Variants in THSD7B observed in about 807,000 individuals in gnomAD.
THSD7B encodes thrombospondin type 1 domain containing 7B, also known as thrombospondin type-1 domain-containing protein 7B.
Under a neutral mutation model 213.6 loss-of-function variants are expected in THSD7B, and 138 were observed. The ratio of observed to expected loss-of-function variants is 0.65; its 90% CI spans 0.56 to 0.74. The LOEUF is 0.74. THSD7B is among the 30% of genes least tolerant of loss of function. The probability of loss-of-function intolerance (pLI) is 0.00; values close to 1 mark genes in which losing one functional copy is unlikely to be tolerated. For synonymous variants in THSD7B, 742 were observed against 687.0 expected (o/e 1.08, Z -1.25); for missense variants, 1,931 against 1,991.5 (o/e 0.97, Z 0.58).
In THSD7B at chr2:136,908,438, A is replaced by G. The variant is rs552337913; in HGVS notation, c.139+26121A>G. ...AATGAGTAGCAAAATTGGAATTTGA[A>G]CTAGAATATAATTGATAATAGACTT... On this transcript the variant is annotated intron_variant, in intron 2 of 27. Coordinates refer to ENST00000409968, the MANE Select transcript of THSD7B (RefSeq NM_001316349.2). 6.6e-4 allele frequency among the ~76,000 whole-genome samples: 101 copies of G among 152,334 alleles called. 1 individual carries two copies. The highest frequency in any genetic ancestry group is 2.3e-3 in the African/African-American group (96 of 41,570).
At chr2:136,979,772 T>C (rs1685542875) in intron 2 of THSD7B, among the ~76,000 whole-genome samples, 1 of 152,214 alleles carries the variant, frequency 6.6e-6, no homozygotes, top group African/African-American at 2.4e-5. Flanking sequence ...TCTCTTTCAA[T>C]TCATCCATCT....
At chr2:137,662,626 G>A (rs1229872540) in intron 25 of THSD7B, among the ~76,000 whole-genome samples, 1 of 152,178 alleles carries the variant, frequency 6.6e-6, no homozygotes, top group East Asian at 1.9e-4. Context: ...TTAATTCAAA[G>A]AAGATATGTA....
intron 5 of THSD7B, among the ~76,000 whole-genome samples, chr2:137,144,041 T>C (rs1478129623): frequency 2.0e-5 from 3 of 152,116 alleles, no homozygotes; most frequent in East Asian, 1.9e-4. Flanking sequence ...CAGGTACTTA[T>C]GTTTTAAGAT....
At chr2:137,598,111 C>G (rs1681998392) in intron 17 of THSD7B, among the ~76,000 whole-genome samples, 1 of 152,046 alleles carries the variant, frequency 6.6e-6, no homozygotes, top group Non-Finnish European at 1.5e-5. Flanking sequence ...CTTCACCCCA[C>G]TCTCCATGCT....
rs537059577 is a variant in THSD7B, at chr2:137,620,490, C to T, written c.3682-119C>T. ...TTTATATAAGAAAGGATATACTTCC[C>T]CACTGAAATATGGAAAGGTTATTAT... is the stretch of plus-strand genomic sequence containing the variant. On this transcript the variant is annotated intron_variant, in intron 19 of 27. Transcript: ENST00000409968. The T allele has an allele frequency of 1.7e-4, 112 of 646,550 alleles. No individual in the cohort carries two copies. In the East Asian group the frequency reaches 3.1e-3, roughly 18 times the overall value. 40.1% of individuals were successfully genotyped at this position (646,550 alleles called of 1,614,324 possible). A position where few individuals can be genotyped will look rare whatever the true frequency, so the allele number is the denominator to read the frequency against.
intron 1 of THSD7B, among the ~76,000 whole-genome samples, chr2:136,859,587 C>T (rs1683228560): frequency 6.6e-6 from 1 of 151,806 alleles, no homozygotes; most frequent in South Asian, 2.1e-4. Context: ...TGGCAGTGAT[C>T]AAATAAGATG....
intron 2 of THSD7B, among the ~76,000 whole-genome samples, chr2:136,884,195 A>G (rs1683676096): frequency 6.6e-6 from 1 of 152,192 alleles, no homozygotes; most frequent in African/African-American, 2.4e-5. Flanking sequence ...CGAAGTCGGC[A>G]GTTGAGAAGA....
intron 2 of THSD7B, among the ~76,000 whole-genome samples, chr2:136,926,646 A>G (rs984204934): frequency 6.6e-6 from 1 of 151,990 alleles, no homozygotes; most frequent in Admixed American, 6.6e-5. Flanking sequence ...GTGAGCCATG[A>G]TCATGCCACT....
At chr2:137,478,891 A>G (rs1688246308) in intron 15 of THSD7B, among the ~76,000 whole-genome samples, 1 of 152,148 alleles carries the variant, frequency 6.6e-6, no homozygotes, top group South Asian at 2.1e-4. Flanking sequence ...GTCTGTGGTG[A>G]AAATTTGCTG....
chr2:137,404,472 T>TACACACACACACACAC (rs1274761285), intron 12 of THSD7B, among the ~76,000 whole-genome samples: 1 of 56,780 alleles, frequency 1.8e-5, no homozygotes, highest in African/African-American at 8.2e-5. Flanking sequence ...TATATATATA[T>TACACACACACACACAC]ATACACACAC....
chr2:136,847,148 G>A (rs1475409742), intron 1 of THSD7B, among the ~76,000 whole-genome samples: 2 of 152,234 alleles, frequency 1.3e-5, no homozygotes, highest in African/African-American at 4.8e-5. Context: ...ATAAACGTCC[G>A]GAAAGGAAGC....
rs1162928095 is a variant in THSD7B, at chr2:137,145,957, AGAC to A, written c.1370-14255_1370-14253del. Among the ~76,000 whole-genome samples, 11 of 152,218 alleles carry A rather than the reference AGAC, an allele frequency of 7.2e-5. 1 individual carries two copies. Among genetic ancestry groups the A allele is most frequent in the African/African-American group, 2.6e-4 (11 of 41,556 alleles). ...GCTTTCTCTCTCACAACTTCATAGA[AGAC>A]AACTGTAGTATTTTAAAATGTAAAT... On this transcript the variant is annotated intron_variant, in intron 5 of 27. Coordinates refer to ENST00000409968, the MANE Select transcript of THSD7B (RefSeq NM_001316349.2).
At chr2:137,670,250 G>T (rs370474946) in intron 27 of THSD7B, among the ~76,000 whole-genome samples, 1 of 152,082 alleles carries the variant, frequency 6.6e-6, no homozygotes, top group African/African-American at 2.4e-5. Flanking sequence ...CTGAAGCTTA[G>T]CTCCAGGGAT....
intron 12 of THSD7B, among the ~76,000 whole-genome samples, chr2:137,317,016 A>G (rs2104873085): frequency 6.6e-6 from 1 of 152,344 alleles, no homozygotes; most frequent in Middle Eastern, 3.4e-3. Context: ...TGTAGAATTT[A>G]GAGTATAAAT....
intron 3 of THSD7B, among the ~76,000 whole-genome samples, chr2:137,088,622 A>AC (rs1309700236): frequency 6.6e-6 from 1 of 151,684 alleles, no homozygotes; most frequent in African/African-American, 2.4e-5. Context: ...AAAAAAAAAA[A>AC]ATAGCTGGGA....
chr2:137,413,492 A>G lies in THSD7B; in HGVS notation c.2959+1620A>G, dbSNP rs115590351. 4.2e-3 allele frequency among the ~76,000 whole-genome samples: 646 copies of G among 152,344 alleles called. 6 individuals are homozygous for G. The highest frequency in any genetic ancestry group is 0.015 in the African/African-American group (607 of 41,578). ...AGGATGCTGAATAGAAAATTTTTCG[A>G]TAGACTTTAGGGAAGCCTTCACTGA... On this transcript the variant is annotated intron_variant, in intron 14 of 27. Coordinates refer to ENST00000409968, the MANE Select transcript of THSD7B (RefSeq NM_001316349.2).
At chr2:137,575,527 A>C (rs1681440162) in intron 17 of THSD7B, among the ~76,000 whole-genome samples, 1 of 152,070 alleles carries the variant, frequency 6.6e-6, no homozygotes, top group Non-Finnish European at 1.5e-5. Context: ...AGTAACTACC[A>C]ATTGCAAACC....
At chr2:137,557,016 A>G (rs1485813343) in intron 15 of THSD7B, among the ~76,000 whole-genome samples, 1 of 152,230 alleles carries the variant, frequency 6.6e-6, no homozygotes, top group African/African-American at 2.4e-5. Context: ...TATGCACCCA[A>G]TACAGGAGCA....
intron 15 of THSD7B, among the ~76,000 whole-genome samples, chr2:137,489,150 G>T (rs1267167257): frequency 6.6e-6 from 1 of 152,098 alleles, no homozygotes; most frequent in East Asian, 1.9e-4. Flanking sequence ...TGTTGGGCTG[G>T]GTGCGGTGGC....
Sources: allele counts gnomAD v4.1 joint callset (sites outside exome capture counted in the v4.1 genomes callset), GRCh38; gene constraint gnomAD v4.1.1; transcripts MANE v1.5; gene names NCBI Gene and HGNC (gene_info 2026-07-23, HGNC 2026-07-21).